The following GRIP2 variants were observed in gnomAD, a reference collection of about 807,000 sequenced individuals.
GRIP2 encodes the protein glutamate receptor interacting protein 2.
GRIP2 carries 58 observed loss-of-function variants against 108.3 expected under a neutral mutation model. That is an observed-to-expected ratio of 0.54 (90% CI 0.43 to 0.67). GRIP2 has a LOEUF of 0.67. Ranked by LOEUF, GRIP2 falls within the 30% of genes least tolerant of loss-of-function variation. The pLI, the probability that GRIP2 is intolerant of heterozygous loss-of-function variation, is 0.00. For synonymous variants in GRIP2, 586 were observed against 598.2 expected (o/e 0.98, Z 0.30); for missense variants, 1,278 against 1,430.6 (o/e 0.89, Z 1.72).
the GRIP2 span, among the ~76,000 whole-genome samples, chr3:14,564,731 G>A: frequency 1.3e-5 from 2 of 152,226 alleles, no homozygotes; most frequent in African/African-American, 4.8e-5. Context: ...ATCACTCTGT[G>A]ACAAAGGCAG....
chr3:14,558,594 C>T (rs1451245496), upstream of GRIP2, among the ~76,000 whole-genome samples: 1 of 152,186 alleles, frequency 6.6e-6, no homozygotes, highest in African/African-American at 2.4e-5. Context: ...AGAGTTCCGA[C>T]CTGGTGGGGT....
chr3:14,602,909 G>C, the GRIP2 span, among the ~76,000 whole-genome samples: 1 of 150,510 alleles, frequency 6.6e-6, no homozygotes, highest in Admixed American at 6.6e-5. This position sits in a 1 kb window ranked among gnomAD's most constrained non-coding sequence, Gnocchi z 4.7. Flanking sequence ...TCACCGGCCG[G>C]GCAGCGGCCG....
chr3:14,593,627 C>T, the GRIP2 span, among the ~76,000 whole-genome samples: 79 of 152,334 alleles, frequency 5.2e-4, no homozygotes, highest in African/African-American at 1.8e-3. Context: ...CGCAGGCCAT[C>T]CTCCCTTCTC....
At chr3:14,562,234 T>G in the GRIP2 span, among the ~76,000 whole-genome samples, 1 of 152,150 alleles carries the variant, frequency 6.6e-6, no homozygotes, top group South Asian at 2.1e-4. Flanking sequence ...AATGGATGAT[T>G]GCAGGGCTGA....
intron 23 of GRIP2, among the ~76,000 whole-genome samples, chr3:14,494,637 A>T (rs1024668383): frequency 2.0e-5 from 3 of 152,222 alleles, no homozygotes; most frequent in African/African-American, 7.2e-5. Flanking sequence ...ACCAGCCCAC[A>T]ATGGGCATGG....
chr3:14,537,181 C>T (rs1412904792), intron 1 of GRIP2, among the ~76,000 whole-genome samples: 2 of 152,196 alleles, frequency 1.3e-5, no homozygotes, highest in African/African-American at 4.8e-5. Flanking sequence ...ACCAGACTCA[C>T]ATCCCCCTAG....
At chr3:14,519,332 A>C (rs872526) in intron 9 of GRIP2, among the ~76,000 whole-genome samples, 57,489 of 151,860 alleles carry the variant, frequency 0.38, 11,726 homozygotes, top group South Asian at 0.58. Context: ...CTCCTTCCTC[A>C]CCCTCCAGCT....
At chr3:14,590,342 G>A in the GRIP2 span, among the ~76,000 whole-genome samples, 20 of 152,126 alleles carry the variant, frequency 1.3e-4, no homozygotes, top group Non-Finnish European at 2.1e-4. Flanking sequence ...CTGGGATGTA[G>A]GTTGTAAATA....
chr3:14,592,404 C>A, the GRIP2 span, among the ~76,000 whole-genome samples: 1 of 152,210 alleles, frequency 6.6e-6, no homozygotes, highest in Non-Finnish European at 1.5e-5. Flanking sequence ...GGCTCTGTGT[C>A]TCCAGCTGGT....
At chr3:14,553,358 A>G (rs989236813) in intron 1 of GRIP2, among the ~76,000 whole-genome samples, 1 of 151,868 alleles carries the variant, frequency 6.6e-6, no homozygotes, top group Non-Finnish European at 1.5e-5. Context: ...TGATCCGCCC[A>G]CCTCGGTCTC....
upstream of GRIP2, among the ~76,000 whole-genome samples, chr3:14,557,349 T>C (rs925298823): frequency 1.3e-5 from 2 of 152,186 alleles, no homozygotes; most frequent in African/African-American, 2.4e-5. Flanking sequence ...TCTTCCACAC[T>C]ACCTCCCTGA....
At chr3:14,582,498 C>T in the GRIP2 span, among the ~76,000 whole-genome samples, 2 of 152,174 alleles carry the variant, frequency 1.3e-5, no homozygotes, top group African/African-American at 4.8e-5. Flanking sequence ...CTTTGACCCT[C>T]ATTCCTAGAT....
At chr3:14,549,164 T>C (rs1695103840) in intron 1 of GRIP2, among the ~76,000 whole-genome samples, 2 of 152,252 alleles carry the variant, frequency 1.3e-5, no homozygotes, top group Non-Finnish European at 2.9e-5. Flanking sequence ...GAGAAATATA[T>C]GATGAATGTA....
At chr3:14,574,379 G>C in the GRIP2 span, 2 of 893,806 alleles carry the variant, frequency 2.2e-6, no homozygotes, top group East Asian at 5.0e-5. Context: ...GCCCCGCGGT[G>C]CTCACCATCT....
rs74985553 is a variant in GRIP2, at chr3:14,521,042, G to C, written c.713-505C>G. 0.045 allele frequency: 8,068 copies of C among 177,552 alleles called. 379 individuals carry two copies. Among genetic ancestry groups the C allele is most frequent in the African/African-American group, 0.13 (5,321 of 42,138 alleles). The allele number at this position is 177,552 out of a possible 1,614,324, so 11.0% of individuals were successfully genotyped here. A position where few individuals can be genotyped will look rare whatever the true frequency, so the allele number is the denominator to read the frequency against. On this transcript the variant is annotated intron_variant, in intron 7 of 23. Coordinates refer to ENST00000621039, the MANE Select transcript of GRIP2 (RefSeq NM_001080423.4). The surrounding 1 kb of genome is among the most constrained non-coding windows in gnomAD (Gnocchi z 5.1). The stretch of plus-strand genomic sequence containing the variant: ...TGCCTTCTCCCCTCCTTAGCCACCA[G>C]CCTGGTTCAGTCCCTTAGCTCTCGC...
At chr3:14,524,565 T>C (rs911712496) in intron 3 of GRIP2, 27 bp from the exon 4 acceptor site, 1 of 1,548,474 alleles carries the variant, frequency 6.5e-7, no homozygotes, top group Non-Finnish European at 8.7e-7. Flanking sequence ...AGGGCACACA[T>C]GGTAACAGGT....
the GRIP2 span, among the ~76,000 whole-genome samples, chr3:14,579,045 T>C: frequency 0.078 from 11,926 of 152,152 alleles, 1,540 homozygotes; most frequent in African/African-American, 0.27. Flanking sequence ...ATCCACAGCA[T>C]CCCAAACTAG....
At chr3:14,500,965 A>G (rs1693749402) in intron 21 of GRIP2, among the ~76,000 whole-genome samples, 1 of 152,214 alleles carries the variant, frequency 6.6e-6, no homozygotes, top group African/African-American at 2.4e-5. Context: ...TACACTTGTT[A>G]GAAAAACCAA....
chr3:14,530,629 A>T (rs887748921), intron 1 of GRIP2, among the ~76,000 whole-genome samples: 1 of 152,184 alleles, frequency 6.6e-6, no homozygotes, highest in Non-Finnish European at 1.5e-5. Flanking sequence ...AAGCTACAGA[A>T]ATTGGATTGT....
Sources: gnomAD v4.1 joint callset for allele counts (sites outside exome capture counted in the v4.1 genomes callset) on GRCh38, gnomAD v4.1.1 for gene constraint, Gnocchi (gnomAD v3.1) non-coding constraint, MANE v1.5 for transcripts, NCBI Gene and HGNC (gene_info 2026-07-23, HGNC 2026-07-21) for gene names.